Variants in NR2F1-AS1 observed in about 807,000 individuals in gnomAD.
The protein encoded by NR2F1-AS1 is NR2F1 regulatory antisense RNA 1, also known as NR2F1 antisense RNA 1.
upstream of NR2F1-AS1, chr5:93,585,195 C>G: frequency 2.6e-6 from 4 of 1,532,612 alleles, no homozygotes; most frequent in Non-Finnish European, 3.5e-6. Context: ...CCCGGGCCAG[C>G]CCGGAGCGCC....
intron 4 of NR2F1-AS1, among the ~76,000 whole-genome samples, chr5:93,480,813 A>C (rs1750584691): frequency 6.6e-6 from 1 of 152,106 alleles, no homozygotes; most frequent in Non-Finnish European, 1.5e-5. Context: ...GATTGCTATA[A>C]ATTTAGAATA....
chr5:93,450,555 A>G (rs1749805861), intron 4 of NR2F1-AS1, among the ~76,000 whole-genome samples: 1 of 152,196 alleles, frequency 6.6e-6, no homozygotes, highest in African/African-American at 2.4e-5. Context: ...TATAGCTACA[A>G]TGTAACTAAA....
chr5:93,445,355 T>C (rs1259307169), intron 4 of NR2F1-AS1, among the ~76,000 whole-genome samples: 2 of 152,040 alleles, frequency 1.3e-5, no homozygotes, highest in African/African-American at 2.4e-5. Context: ...TAAAAAATTA[T>C]AAAGGGGGTA....
At chr5:93,430,917 T>C (rs751188451) in intron 4 of NR2F1-AS1, among the ~76,000 whole-genome samples, 3 of 151,244 alleles carry the variant, frequency 2.0e-5, no homozygotes, top group Non-Finnish European at 2.9e-5. Context: ...AAATGAGCCA[T>C]CCAGTGTGCC....
chr5:93,511,979 C>T (rs541525453), intron 4 of NR2F1-AS1, among the ~76,000 whole-genome samples: 2 of 152,234 alleles, frequency 1.3e-5, no homozygotes, highest in East Asian at 3.9e-4. Context: ...GTACATAGTA[C>T]TTGATAATGA....
intron 4 of NR2F1-AS1, among the ~76,000 whole-genome samples, chr5:93,456,135 C>T (rs1749942932): frequency 6.6e-6 from 1 of 152,056 alleles, no homozygotes; most frequent in South Asian, 2.1e-4. Context: ...ATAAAACTGT[C>T]TTTTTGATAG....
At chr5:93,555,221 A>G (rs889716094) in intron 2 of NR2F1-AS1, among the ~76,000 whole-genome samples, 1 of 152,186 alleles carries the variant, frequency 6.6e-6, no homozygotes, top group Non-Finnish European at 1.5e-5. Flanking sequence ...CAAATAACTC[A>G]GTCTAGTAAG....
chr5:93,533,064 C>G (rs549557463), intron 4 of NR2F1-AS1, among the ~76,000 whole-genome samples: 33 of 152,318 alleles, frequency 2.2e-4, no homozygotes, highest in Admixed American at 1.5e-3. Flanking sequence ...TTGTCTTAGT[C>G]AGACGTTACC....
chr5:93,427,110 T>C (rs1749211361), intron 4 of NR2F1-AS1, among the ~76,000 whole-genome samples: 1 of 152,204 alleles, frequency 6.6e-6, no homozygotes, highest in South Asian at 2.1e-4. Flanking sequence ...GCCCTTGTCC[T>C]TCATTTAAAA....
chr5:93,487,451 T>A (rs1284853748), intron 4 of NR2F1-AS1, among the ~76,000 whole-genome samples: 2 of 151,934 alleles, frequency 1.3e-5, no homozygotes, highest in Non-Finnish European at 2.9e-5. Context: ...TATACACCAA[T>A]AATAGACAAA....
chr5:93,431,789 A>G (rs1749331338), intron 4 of NR2F1-AS1, among the ~76,000 whole-genome samples: 1 of 152,210 alleles, frequency 6.6e-6, no homozygotes, highest in Non-Finnish European at 1.5e-5. Flanking sequence ...AGTGCTCTTC[A>G]CTTACTTAAA....
intron 4 of NR2F1-AS1, among the ~76,000 whole-genome samples, chr5:93,448,557 C>T (rs971196477): frequency 6.6e-6 from 1 of 152,170 alleles, no homozygotes; most frequent in Non-Finnish European, 1.5e-5. Flanking sequence ...TCTATAACTA[C>T]CTGATAGCTT....
chr5:93,471,861 A>G (rs1461791174), intron 4 of NR2F1-AS1, among the ~76,000 whole-genome samples: 1 of 151,900 alleles, frequency 6.6e-6, no homozygotes, highest in Non-Finnish European at 1.5e-5. Flanking sequence ...TTATGTTAAC[A>G]ATTTGTATTT....
chr5:93,579,525 TG>T lies in NR2F1-AS1; in HGVS notation n.313+941del, dbSNP rs1417845418. Among the ~76,000 whole-genome samples the T allele has an allele frequency of 1.3e-5, 2 of 152,120 alleles. No homozygotes were observed. Among genetic ancestry groups the T allele is most frequent in the South Asian group, 2.1e-4 (1 of 4,818 alleles). ...GCTCAGCTGTCATCCCGTCTCGCCT[TG>T]GCCCTCACCTACAGGGCCTGACCCC... On this transcript the variant is annotated intron_variant and non_coding_transcript_variant, in intron 1 of 5. Coordinates refer to ENST00000660523, the Ensembl canonical transcript of NR2F1-AS1. The surrounding 1 kb of genome is among the most constrained non-coding windows in gnomAD (Gnocchi z 5.1).
chr5:93,477,044 T>C (rs1342850358), intron 4 of NR2F1-AS1, among the ~76,000 whole-genome samples: 1 of 152,178 alleles, frequency 6.6e-6, no homozygotes, highest in Non-Finnish European at 1.5e-5. Flanking sequence ...TCATGTTCTG[T>C]TTCCCAAGTG....
At chr5:93,465,350 G>T (rs1300195337) in intron 4 of NR2F1-AS1, among the ~76,000 whole-genome samples, 1 of 152,222 alleles carries the variant, frequency 6.6e-6, no homozygotes, top group Non-Finnish European at 1.5e-5. Flanking sequence ...GGTCATCAAA[G>T]AAATGCAAAT....
chr5:93,439,390 G>A (rs929484901), intron 4 of NR2F1-AS1, among the ~76,000 whole-genome samples: 3 of 152,306 alleles, frequency 2.0e-5, no homozygotes, highest in Admixed American at 2.0e-4. Flanking sequence ...GCCCCCCGGG[G>A]TTCACGCCAT....
intron 4 of NR2F1-AS1, among the ~76,000 whole-genome samples, chr5:93,455,246 T>C (rs1749921660): frequency 6.6e-6 from 1 of 152,190 alleles, no homozygotes; most frequent in Admixed American, 6.5e-5. Context: ...TCTTTTTCTT[T>C]TAAAGATTCA....
chr5:93,427,844 T>C, intron 4 of NR2F1-AS1, among the ~76,000 whole-genome samples: 1 of 151,986 alleles, frequency 6.6e-6, no homozygotes, highest in Non-Finnish European at 1.5e-5. Flanking sequence ...GGTAAGTTCA[T>C]CAAAGGCTGA....
Sources: gnomAD v4.1 joint callset for allele counts (sites outside exome capture counted in the v4.1 genomes callset) on GRCh38, gnomAD v4.1.1 for gene constraint, Gnocchi (gnomAD v3.1) non-coding constraint, MANE v1.5 for transcripts, NCBI Gene and HGNC (gene_info 2026-07-23, HGNC 2026-07-21) for gene names.